Variants in LRRC8B observed in about 807,000 individuals in gnomAD.
LRRC8B encodes leucine rich repeat containing 8 VRAC subunit B, also known as volume-regulated anion channel subunit LRRC8B.
Under a neutral mutation model 58.8 loss-of-function variants are expected in LRRC8B, and 23 were observed. The observed-to-expected ratio is 0.39, with a 90% CI of 0.28 to 0.55. The LOEUF (loss-of-function observed/expected upper bound fraction) is 0.55. Among genes scored for constraint, LRRC8B ranks in the 20% least tolerant of loss-of-function variants. The pLI is 0.62. For missense variants in LRRC8B, 694 were observed against 936.0 expected, an observed-to-expected ratio of 0.74 and a Z score of 3.37; for synonymous variants, 359 against 374.1, an observed-to-expected ratio of 0.96 and a Z score of 0.47.
At chr1:89,573,378 T>C (rs538399991) in intron 3 of LRRC8B, among the ~76,000 whole-genome samples, 76 of 152,184 alleles carry the variant, frequency 5.0e-4, no homozygotes, top group African/African-American at 1.8e-3. Context: ...ATTCACTCAG[T>C]AACTTTTTTA....
chr1:89,586,633 A>C (rs1199989302), intron 5 of LRRC8B, among the ~76,000 whole-genome samples: 1 of 152,234 alleles, frequency 6.6e-6, no homozygotes, highest in African/African-American at 2.4e-5. Context: ...ATAAGTGTGA[A>C]TATCAGGCAC....
intron 1 of LRRC8B, among the ~76,000 whole-genome samples, chr1:89,528,149 C>T (rs1429194365): frequency 6.6e-6 from 1 of 152,094 alleles, no homozygotes; most frequent in African/African-American, 2.4e-5. Flanking sequence ...TCTCATCTGT[C>T]ATCCTGTGAC....
chr1:89,590,010 A>C (rs901247477), intron 5 of LRRC8B, among the ~76,000 whole-genome samples: 5 of 152,176 alleles, frequency 3.3e-5, no homozygotes, highest in African/African-American at 1.2e-4. Flanking sequence ...GTAGTTTATC[A>C]TATAGCTTAT....
In LRRC8B at chr1:89,549,157, A is replaced by G. The variant is rs1379856255; in HGVS notation, c.-240-19090A>G. On this transcript the variant is annotated intron_variant, in intron 1 of 5. Transcript: ENST00000330947. ...TGTGCAGAGAAAAGTGATAAACAAC[A>G]TAAGTATATAGTACATTAAACGGAG... Among the ~76,000 whole-genome samples, 8 of 152,344 alleles carry G rather than the reference A, an allele frequency of 5.3e-5. 1 individual carries two copies. The highest frequency in any genetic ancestry group is 3.9e-4 in the East Asian group (2 of 5,194).
At chr1:89,543,788 C>A (rs2100853946) in intron 1 of LRRC8B, among the ~76,000 whole-genome samples, 1 of 151,018 alleles carries the variant, frequency 6.6e-6, no homozygotes, top group South Asian at 2.1e-4. Flanking sequence ...GAGCCACCAT[C>A]CCTGGCCATT....
intron 1 of LRRC8B, among the ~76,000 whole-genome samples, chr1:89,561,820 G>T (rs1296538653): frequency 1.3e-5 from 2 of 150,830 alleles, no homozygotes; most frequent in African/African-American, 4.9e-5. Context: ...GTCAGGTAGT[G>T]TGATTCCTCC....
At chr1:89,562,024 G>A (rs74955903) in intron 1 of LRRC8B, among the ~76,000 whole-genome samples, 15 of 152,108 alleles carry the variant, frequency 9.9e-5, no homozygotes, top group East Asian at 5.8e-4. Context: ...AGTTTATTAC[G>A]AAAGTCTCAG....
intron 1 of LRRC8B, among the ~76,000 whole-genome samples, chr1:89,531,551 A>T (rs567976110): frequency 6.6e-6 from 1 of 152,148 alleles, no homozygotes; most frequent in Non-Finnish European, 1.5e-5. Flanking sequence ...TATCTAGATG[A>T]TCCTCTCTGG....
chr1:89,532,381 T>C (rs1349455521), intron 1 of LRRC8B, among the ~76,000 whole-genome samples: 1 of 152,162 alleles, frequency 6.6e-6, no homozygotes, highest in East Asian at 1.9e-4. Context: ...GTGAATAATA[T>C]TACCTCATTG....
chr1:89,560,103 G>A (rs1051282804), intron 1 of LRRC8B, among the ~76,000 whole-genome samples: 17 of 152,186 alleles, frequency 1.1e-4, no homozygotes, highest in Admixed American at 3.3e-4. Context: ...ATTAGATTAC[G>A]TGAGATGACA....
chr1:89,547,160 TTCAGTGACA>T (rs1223287462), intron 1 of LRRC8B, among the ~76,000 whole-genome samples: 1 of 152,078 alleles, frequency 6.6e-6, no homozygotes, highest in Non-Finnish European at 1.5e-5. Context: ...CAACTCCACA[TTCAGTGACA>T]TCATGTTGGT....
intron 1 of LRRC8B, among the ~76,000 whole-genome samples, chr1:89,561,747 A>G (rs1652672842): frequency 7.2e-6 from 1 of 138,258 alleles, no homozygotes; most frequent in South Asian, 2.5e-4. Context: ...ATTGATCTAT[A>G]TCTCTGTTTT....
At chr1:89,528,539 A>T (rs942130972) in intron 1 of LRRC8B, among the ~76,000 whole-genome samples, 2 of 152,254 alleles carry the variant, frequency 1.3e-5, no homozygotes, top group Non-Finnish European at 2.9e-5. Flanking sequence ...ACTCTGTGCC[A>T]TCACTTTGGA....
chr1:89,577,837 TTATAACCCAGTTATAATGCAGA>T (rs1220532415), intron 3 of LRRC8B, among the ~76,000 whole-genome samples: 1 of 152,172 alleles, frequency 6.6e-6, no homozygotes, highest in Non-Finnish European at 1.5e-5. Flanking sequence ...TATAATGCAG[TTATAACCCAGTTATAATGCAGA>T]TATTGGATGA....
intron 1 of LRRC8B, among the ~76,000 whole-genome samples, chr1:89,534,302 G>A (rs1011548220): frequency 2.0e-5 from 3 of 152,056 alleles, no homozygotes; most frequent in African/African-American, 7.2e-5. Flanking sequence ...TCTTTTAAAT[G>A]TACCCAATGG....
chr1:89,589,518 G>A lies in LRRC8B; in HGVS notation c.2140-3253G>A, dbSNP rs1383789515. 7.9e-5 allele frequency among the ~76,000 whole-genome samples: 12 copies of A among 151,266 alleles called. No individual in the cohort carries two copies. The South Asian group carries it at 1.7e-3, about 21-fold the overall frequency. On this transcript the variant is annotated intron_variant, in intron 5 of 5. Transcript: ENST00000330947. ...CTAGGTTTGCTGAAATCTTAGACCA[G>A]TCCAATTTACACCTAGGTCTTCTTA... is the stretch of plus-strand genomic sequence containing the variant.
intron 1 of LRRC8B, among the ~76,000 whole-genome samples, chr1:89,555,900 G>A (rs1652152511): frequency 6.6e-6 from 1 of 152,196 alleles, no homozygotes; most frequent in Non-Finnish European, 1.5e-5. Flanking sequence ...TTGCCCCCAT[G>A]TCACATCACA....
At chr1:89,561,143 A>G (rs1385192050) in intron 1 of LRRC8B, among the ~76,000 whole-genome samples, 1 of 151,908 alleles carries the variant, frequency 6.6e-6, no homozygotes, top group Non-Finnish European at 1.5e-5. Flanking sequence ...GCCAGTGATG[A>G]TGAGCATTTT....
intron 1 of LRRC8B, among the ~76,000 whole-genome samples, chr1:89,530,545 T>G (rs1419753946): frequency 6.6e-6 from 1 of 152,108 alleles, no homozygotes; most frequent in Non-Finnish European, 1.5e-5. Context: ...CACTGTAAAG[T>G]AGGATATTTT....
Sources: gnomAD v4.1 joint callset for allele counts (sites outside exome capture counted in the v4.1 genomes callset) on GRCh38, gnomAD v4.1.1 for gene constraint, MANE v1.5 for transcripts, NCBI Gene and HGNC (gene_info 2026-07-23, HGNC 2026-07-21) for gene names.